MAU2: variants seen among roughly 807,000 people sequenced by gnomAD.
MAU2 encodes MAU2 sister chromatid cohesion factor.
A neutral mutation model predicts 89.1 loss-of-function variants in MAU2; 9 were observed. That is an observed-to-expected ratio of 0.10 (90% CI 0.06 to 0.18). MAU2 has a LOEUF of 0.18. MAU2 is among the 10% of genes least tolerant of loss of function. The probability of loss-of-function intolerance (pLI) is 1.00; values close to 1 mark genes in which losing one functional copy is unlikely to be tolerated. For synonymous variants in MAU2, 357 were observed against 343.4 expected (o/e 1.04, Z -0.44); for missense variants, 425 against 803.5 (o/e 0.53, Z 5.69).
chr19:19,327,008 A>C (rs577367022), intron 1 of MAU2, among the ~76,000 whole-genome samples: 17 of 151,792 alleles, frequency 1.1e-4, no homozygotes, highest in Non-Finnish European at 1.8e-4. Context: ...GCTAGGGTCT[A>C]ACTGTGTTGC....
intron 17 of MAU2, chr19:19,354,720 G>A (rs9304960): frequency 0.2 from 97,302 of 490,924 alleles, 10,847 homozygotes; most frequent in South Asian, 0.34. Context: ...TAGCCGTGGC[G>A]CTCTCAGCCT....
Position 19,348,915 on chromosome 19 carries a change from C to T in MAU2, c.1335C>T (p.Asn445=). ...EVLYSLLERI[N]PDHSFPVSSH... is the part of the protein sequence containing the mutation. ...TCTACAGTCTGCTGGAGAGGATCAA[C>T]CCGGACCACAGCTTCCCTGTCAGGT... The change falls in exon 14 of 19, where the codon AAC becomes AAT. Residue 445 remains asparagine (N), a synonymous_variant. Coordinates refer to ENST00000262815, the MANE Select transcript of MAU2 (RefSeq NM_015329.4). 1 of 1,613,888 alleles carries T rather than the reference C, an allele frequency of 6.2e-7. No individual in the cohort carries two copies. Among genetic ancestry groups the T allele is most frequent in the Non-Finnish European group, 8.5e-7 (1 of 1,179,982 alleles).
intron 16 of MAU2, chr19:19,352,151 A>G (rs1269979749): frequency 6.8e-6 from 1 of 146,490 alleles, no homozygotes; most frequent in East Asian, 2.0e-4. Context: ...GTAATTTTAT[A>G]TTTGCCTTTC....
At chr19:19,340,405 C>T (rs1417077516) in intron 5 of MAU2, among the ~76,000 whole-genome samples, 2 of 151,378 alleles carry the variant, frequency 1.3e-5, no homozygotes, top group South Asian at 2.1e-4. Flanking sequence ...TTTGGGAGGC[C>T]GAGGCGGGTG....
At chr19:19,354,483 C>T (rs2048154571) in intron 17 of MAU2, 38 bp downstream of exon 17, 1 of 1,567,532 alleles carries the variant, frequency 6.4e-7, no homozygotes, top group Non-Finnish European at 8.8e-7. Flanking sequence ...CAGCCCCAGC[C>T]TGGCCCTCCC....
intron 1 of MAU2, among the ~76,000 whole-genome samples, chr19:19,335,059 T>C (rs931070673): frequency 2.6e-5 from 4 of 152,192 alleles, no homozygotes; most frequent in Admixed American, 2.0e-4. Context: ...TGGGAACTGT[T>C]GGAACATGGA....
chr19:19,351,442 G>T (rs1412415944), intron 16 of MAU2, among the ~76,000 whole-genome samples: 1 of 152,010 alleles, frequency 6.6e-6, no homozygotes, highest in Non-Finnish European at 1.5e-5. Context: ...GGCAGAGGTG[G>T]AAGGATCATT....
At chr19:19,338,747 T>G in intron 4 of MAU2, 98 bp from the exon 5 acceptor site, 1 of 785,612 alleles carries the variant, frequency 1.3e-6, no homozygotes, top group Non-Finnish European at 2.1e-6. Context: ...TTCACTGACG[T>G]GGGGAGGTTT....
In MAU2 at chr19:19,335,754, T is replaced by C. The variant is rs772735870; in HGVS notation, c.294+19T>C. The C allele has an allele frequency of 6.2e-6, 10 of 1,613,046 alleles. No homozygotes were observed. The Admixed American group carries it at 1.5e-4, about 24-fold the overall frequency. On this transcript the variant is annotated intron_variant, in intron 2 of 18. Coordinates refer to ENST00000262815, the MANE Select transcript of MAU2 (RefSeq NM_015329.4). ...ACAGCAAGTATCCTTTCCGTGTTGG[T>C]ATGGTTCCCTTTAAGGAATTCTCCA... is the stretch of plus-strand genomic sequence containing the variant.
chr19:19,326,422 C>T (rs1355137965), intron 1 of MAU2, among the ~76,000 whole-genome samples: 2 of 151,662 alleles, frequency 1.3e-5, no homozygotes, highest in African/African-American at 2.4e-5. Context: ...CGCGGTGGCT[C>T]ACGCCTGTAA....
Position 19,345,241 on chromosome 19 carries a change from G to C in MAU2, c.1156-63G>C. ...GCCGTGCAGGCCCCGGGCACACCACGTGTCTCTGATCTGAGCCCCCTCCCC... is the reference window on the plus strand; with the variant it reads ...GCCGTGCAGGCCCCGGGCACACCACCTGTCTCTGATCTGAGCCCCCTCCCC... On this transcript the variant is annotated intron_variant, in intron 11 of 18. Coordinates refer to ENST00000262815, the MANE Select transcript of MAU2 (RefSeq NM_015329.4). The surrounding 1 kb of genome is among the most constrained non-coding windows in gnomAD (Gnocchi z 4.9). 6.9e-7 allele frequency: 1 copy of C among 1,453,236 alleles called. No individual in the cohort carries two copies. The highest frequency in any genetic ancestry group is 9.7e-7 in the Non-Finnish European group (1 of 1,035,180). 90.0% of individuals were successfully genotyped at this position (1,453,236 alleles called of 1,614,324 possible).
In MAU2 at chr19:19,337,611, G is replaced by A. The variant is rs192984688; in HGVS notation, c.456+346G>A. Among the ~76,000 whole-genome samples, 220 of 152,288 alleles carry A rather than the reference G, an allele frequency of 1.4e-3. 1 individual carries two copies. Among genetic ancestry groups the A allele is most frequent in the Non-Finnish European group, 2.1e-3 (146 of 68,026 alleles). On this transcript the variant is annotated intron_variant, in intron 4 of 18. Transcript: ENST00000262815. ...GCCGTTCTCATCTCATCTTTGGCCT[G>A]CACTCATTGAAATCCCAGGAACATT... is the stretch of plus-strand genomic sequence containing the variant.
intron 1 of MAU2, among the ~76,000 whole-genome samples, chr19:19,326,786 C>CAA (rs1015952929): frequency 6.9e-6 from 1 of 144,710 alleles, no homozygotes; most frequent in African/African-American, 2.5e-5. Flanking sequence ...CCCAGCTACT[C>CAA]AGGAGGCTAA....
intron 5 of MAU2, among the ~76,000 whole-genome samples, chr19:19,340,159 C>A (rs1308659354): frequency 1.5e-5 from 2 of 129,962 alleles, no homozygotes; most frequent in African/African-American, 2.9e-5. Context: ...AGCGAGACTC[C>A]ATCTCAAAAA....
chr19:19,325,879 G>C (rs2061500021), intron 1 of MAU2, among the ~76,000 whole-genome samples: 1 of 151,910 alleles, frequency 6.6e-6, no homozygotes, highest in Admixed American at 6.6e-5. Flanking sequence ...CTTTCCTATT[G>C]TTTTCACTGT....
intron 4 of MAU2, among the ~76,000 whole-genome samples, chr19:19,338,038 C>T (rs1031273479): frequency 2.2e-4 from 33 of 152,232 alleles, no homozygotes; most frequent in African/African-American, 6.5e-4. Flanking sequence ...GCCTGCCTTC[C>T]GGGCCACCAC....
intron 1 of MAU2, among the ~76,000 whole-genome samples, chr19:19,329,956 A>ATTATTTATTTATTTATTTAT (rs139674702): frequency 6.6e-6 from 1 of 151,014 alleles, no homozygotes; most frequent in African/African-American, 2.4e-5. Context: ...TGTCTTTTTA[A>ATTATTTATTTATTTATTTAT]TTATTTATTT....
At chr19:19,336,715 G>C (rs1323876616) in intron 3 of MAU2, among the ~76,000 whole-genome samples, 2 of 152,146 alleles carry the variant, frequency 1.3e-5, no homozygotes, top group Non-Finnish European at 2.9e-5. Flanking sequence ...TTCCTCACCT[G>C]ACAAGTCTGT....
At chr19:19,324,811 A>G (rs1244504364) in intron 1 of MAU2, among the ~76,000 whole-genome samples, 1 of 152,206 alleles carries the variant, frequency 6.6e-6, no homozygotes, top group African/African-American at 2.4e-5. Flanking sequence ...AAATTTTTCC[A>G]GCTTTTAGTT....
Sources: allele counts gnomAD v4.1 joint callset (sites outside exome capture counted in the v4.1 genomes callset), GRCh38; gene constraint gnomAD v4.1.1; non-coding constraint Gnocchi (gnomAD v3.1); transcripts MANE v1.5; gene names NCBI Gene and HGNC (gene_info 2026-07-23, HGNC 2026-07-21).